The following OSBPL1A variants were observed in gnomAD, a reference collection of about 807,000 sequenced individuals.
The protein encoded by OSBPL1A is oxysterol-binding protein-related protein 1.
A neutral mutation model predicts 137.1 loss-of-function variants in OSBPL1A; 80 were observed. That is an observed-to-expected ratio of 0.58 (90% CI 0.49 to 0.70). The LOEUF is 0.70. OSBPL1A is among the 30% of genes least tolerant of loss of function. The probability of loss-of-function intolerance (pLI) is 0.00; values close to 1 mark genes in which losing one functional copy is unlikely to be tolerated. For synonymous variants in OSBPL1A, 365 were observed against 389.7 expected, an observed-to-expected ratio of 0.94 and a Z score of 0.75; for missense variants, 970 against 1,129.4, an observed-to-expected ratio of 0.86 and a Z score of 2.02.
At chr18:24,355,095 G>A (rs989532048) in intron 4 of OSBPL1A, among the ~76,000 whole-genome samples, 65 of 152,186 alleles carry the variant, frequency 4.3e-4, no homozygotes, top group African/African-American at 1.4e-3. Flanking sequence ...GAGCTTCTCC[G>A]TGAGGCTGTT....
intron 15 of OSBPL1A, among the ~76,000 whole-genome samples, chr18:24,263,258 C>T (rs2089483944): frequency 6.6e-6 from 1 of 152,122 alleles, no homozygotes; most frequent in African/African-American, 2.4e-5. Context: ...GCAGTGCTTC[C>T]CAAGTTTTGT....
intron 18 of OSBPL1A, among the ~76,000 whole-genome samples, chr18:24,188,722 C>T (rs1164274445): frequency 2.0e-5 from 3 of 152,130 alleles, no homozygotes; most frequent in Admixed American, 2.0e-4. Context: ...ATTGTATTGC[C>T]TCCATCATCT....
At chr18:24,387,722 C>G (rs1907042076) in intron 1 of OSBPL1A, among the ~76,000 whole-genome samples, 1 of 151,888 alleles carries the variant, frequency 6.6e-6, no homozygotes. Flanking sequence ...CCCACAATTT[C>G]TTTTCTCATC....
chr18:24,259,251 C>T (rs912189401), intron 15 of OSBPL1A, among the ~76,000 whole-genome samples: 4 of 152,158 alleles, frequency 2.6e-5, no homozygotes, highest in African/African-American at 9.7e-5. Flanking sequence ...TTGTGCACAA[C>T]TGTATCCTAG....
At chr18:24,336,167 T>C (rs1409763777) in intron 5 of OSBPL1A, among the ~76,000 whole-genome samples, 1 of 152,212 alleles carries the variant, frequency 6.6e-6, no homozygotes, top group Non-Finnish European at 1.5e-5. Flanking sequence ...TCTGTCTGTG[T>C]AACCAAAGCA....
chr18:24,277,529 T>A (rs1316822368), intron 15 of OSBPL1A, among the ~76,000 whole-genome samples: 1 of 152,204 alleles, frequency 6.6e-6, no homozygotes, highest in East Asian at 1.9e-4. Flanking sequence ...GGTCACCATT[T>A]TAAATAGGAG....
intron 5 of OSBPL1A, among the ~76,000 whole-genome samples, chr18:24,341,141 G>A (rs377054352): frequency 1.8e-4 from 27 of 152,014 alleles, no homozygotes; most frequent in African/African-American, 6.5e-4. Flanking sequence ...GACTACAGGT[G>A]CACACCATCA....
intron 4 of OSBPL1A, among the ~76,000 whole-genome samples, chr18:24,358,911 T>G (rs2146182731): frequency 6.6e-6 from 1 of 151,960 alleles, no homozygotes; most frequent in Admixed American, 6.6e-5. Flanking sequence ...CATCCAGCTT[T>G]GAGTTTTTTA....
intron 4 of OSBPL1A, among the ~76,000 whole-genome samples, chr18:24,343,077 T>C (rs2091296517): frequency 6.6e-6 from 1 of 151,930 alleles, no homozygotes; most frequent in African/African-American, 2.4e-5. Context: ...AAAAAAAATT[T>C]ACAAATACAA....
intron 15 of OSBPL1A, among the ~76,000 whole-genome samples, chr18:24,248,227 A>G (rs186789573): frequency 1.3e-5 from 2 of 152,330 alleles, no homozygotes; most frequent in East Asian, 1.9e-4. Context: ...AAACAGACAA[A>G]GATGTCCTCA....
intron 1 of OSBPL1A, among the ~76,000 whole-genome samples, chr18:24,386,615 G>C (rs1474782050): frequency 6.6e-6 from 1 of 152,168 alleles, no homozygotes; most frequent in Non-Finnish European, 1.5e-5. Flanking sequence ...TGGCAGGGGT[G>C]GGGAGGAGAC....
intron 21 of OSBPL1A, among the ~76,000 whole-genome samples, chr18:24,175,123 TATATATATATATAC>T (rs1567920221): frequency 7.6e-6 from 1 of 130,986 alleles, no homozygotes; most frequent in African/African-American, 3.4e-5. Context: ...TATATATATA[TATATATATATATAC>T]ACATATATAT....
intron 16 of OSBPL1A, among the ~76,000 whole-genome samples, chr18:24,226,570 A>G (rs1468842676): frequency 1.3e-5 from 2 of 152,212 alleles, no homozygotes; most frequent in Admixed American, 6.5e-5. Flanking sequence ...CTAAATTTGT[A>G]TTATAGCTAA....
intron 4 of OSBPL1A, among the ~76,000 whole-genome samples, chr18:24,346,400 ATCAC>A (rs1331456636): frequency 6.6e-6 from 1 of 152,218 alleles, no homozygotes; most frequent in Non-Finnish European, 1.5e-5. Context: ...GTTGTACATC[ATCAC>A]TATCTAATTT....
At chr18:24,283,828 T>G (rs1456649280) in intron 14 of OSBPL1A, among the ~76,000 whole-genome samples, 1 of 152,182 alleles carries the variant, frequency 6.6e-6, no homozygotes, top group Non-Finnish European at 1.5e-5. Flanking sequence ...TTTTAGATAT[T>G]TCATAAACTT....
intron 1 of OSBPL1A, among the ~76,000 whole-genome samples, chr18:24,391,688 C>T (rs1907370850): frequency 6.6e-6 from 1 of 152,018 alleles, no homozygotes; most frequent in African/African-American, 2.4e-5. Context: ...AAGACCATGC[C>T]ACTGCACTCC....
chr18:24,236,428 C>G (rs2088478550), intron 16 of OSBPL1A, among the ~76,000 whole-genome samples: 1 of 152,076 alleles, frequency 6.6e-6, no homozygotes, highest in Non-Finnish European at 1.5e-5. Context: ...TGAAGTCATT[C>G]CCATATGATG....
rs980744480 is a variant in OSBPL1A, at chr18:24,232,569, C to T, written c.1444+6651G>A. ...AGTGTGTGGGCTACTGGAAATCTTA[C>T]GTGGATCTATTTTGGGCTACCAAAT... On this transcript the variant is annotated intron_variant, in intron 16 of 27. Transcript: ENST00000319481. 4.6e-5 allele frequency among the ~76,000 whole-genome samples: 7 copies of T among 152,286 alleles called. No homozygotes were observed. The East Asian group carries it at 7.7e-4, about 17-fold the overall frequency.
chr18:24,174,378 A>T (rs1043504104), intron 21 of OSBPL1A, among the ~76,000 whole-genome samples: 1 of 152,250 alleles, frequency 6.6e-6, no homozygotes, highest in Admixed American at 6.5e-5. Context: ...TTCCAAATTC[A>T]AAACTTGGAC....
Sources: allele counts gnomAD v4.1 joint callset (sites outside exome capture counted in the v4.1 genomes callset), GRCh38; gene constraint gnomAD v4.1.1; transcripts MANE v1.5; gene names NCBI Gene and HGNC (gene_info 2026-07-23, HGNC 2026-07-21).